The following OR12D2 variants were observed in gnomAD, a reference collection of about 807,000 sequenced individuals.
OR12D2 encodes olfactory receptor 12D2.
For missense variants in OR12D2, 345 were observed against 371.6 expected (o/e 0.93, Z 0.59); for synonymous variants, 146 against 142.3 (o/e 1.03, Z -0.19).
In OR12D2 at chr6:29,396,922, A is replaced by G. The variant is rs1562968462; in HGVS notation, c.223A>G (p.Thr75Ala). 6.2e-7 allele frequency: 1 copy of G among 1,613,042 alleles called. No homozygotes were observed. Among genetic ancestry groups the G allele is most frequent in the Non-Finnish European group, 8.5e-7 (1 of 1,179,996 alleles). ...CCTGGATATCTGTTACTCTACGGTG[A>G]CACTGCCAAAAATGCTGCAGAACTT... Reference protein sequence around the residue: ...SYLDICYSTVTLPKMLQNFLS... With the variant: ...SYLDICYSTVALPKMLQNFLS... The change falls in exon 2 of 2, where the codon ACA (threonine) becomes GCA (alanine). Residue 75 changes from threonine (T) to alanine (A), a missense_variant. By Grantham distance (58) the Thr-to-Ala change is moderately conservative. Transcript: ENST00000642051.
intron 1 of OR12D2, 115 bp from the exon 2 acceptor site, chr6:29,396,580 GGAA>G: frequency 3.8e-6 from 3 of 799,294 alleles, no homozygotes; most frequent in East Asian, 4.9e-5. Flanking sequence ...TCTGAGGTTT[GGAA>G]GAAGTACAAC....
rs1273168480 is a variant in OR12D2, at chr6:29,396,883, G to A, written c.184G>A (p.Gly62Arg). 1 of 1,612,814 alleles carries A rather than the reference G, an allele frequency of 6.2e-7. No homozygotes were observed. Residue 62 changes from glycine to arginine, a missense_variant, in exon 2 of 2, where the codon GGA (glycine) becomes AGA (arginine). By Grantham distance (125) the Gly-to-Arg change is moderately radical. Transcript: ENST00000642051. ...CCATTCCCTTATGTATTTCTTCCTGGGAAACCTGTCCTACCTGGATATCTG... is the reference window on the plus strand; with the variant it reads ...CCATTCCCTTATGTATTTCTTCCTGAGAAACCTGTCCTACCTGGATATCTG... ...RLHSLMYFFL[G>R]NLSYLDICYS...
At chr6:29,396,651 C>A (rs1467111598) in intron 1 of OR12D2, 47 bp from the exon 2 acceptor site, 5 of 1,463,250 alleles carry the variant, frequency 3.4e-6, no homozygotes, top group Non-Finnish European at 4.7e-6. Context: ...CGGAAGGATT[C>A]TGATTGCGAT....
Position 29,397,684 on chromosome 6 carries a change from G to A in OR12D2, c.*61G>A. 2.8e-6 allele frequency: 4 copies of A among 1,427,122 alleles called. No individual in the cohort carries two copies. The highest frequency in any genetic ancestry group is 2.9e-6 in the Non-Finnish European group (3 of 1,048,008). The allele number at this position is 1,427,122 out of a possible 1,614,324, so 88.4% of individuals were successfully genotyped here. On this transcript the variant is annotated 3_prime_UTR_variant, in exon 2 of 2. Transcript: ENST00000642051. ...TAACCAGCAATGAAAAAGTAGAGAT[G>A]TGTAATTTTACTGCTTCTCAGATGG...
At chr6:29,396,407 C>A (rs958185555) in intron 1 of OR12D2, 3 of 395,308 alleles carry the variant, frequency 7.6e-6, no homozygotes, top group African/African-American at 6.1e-5. Context: ...CGGATGTATT[C>A]TTCTCAACCA....
In OR12D2 at chr6:29,396,847, G is replaced by C; in HGVS notation, c.148G>C (p.Asp50His). ...NGAVLMIVIS[D>H]PRLHSLMYFF... ...AGCCGTTCTGATGATTGTCATCTCC[G>C]ATCCTAGACTCCATTCCCTTATGTA... The change falls in exon 2 of 2, where the codon GAT (aspartate) becomes CAT (histidine). Residue 50 changes from aspartate to histidine, a missense_variant. Coordinates refer to ENST00000642051, the MANE Select transcript of OR12D2 (RefSeq NM_013936.4). 6.2e-7 allele frequency: 1 copy of C among 1,612,886 alleles called. No homozygotes were observed. The highest frequency in any genetic ancestry group is 8.5e-7 in the Non-Finnish European group (1 of 1,179,936).
chr6:29,397,327 T>C lies in OR12D2; in HGVS notation c.628T>C (p.Phe210Leu). ...GGGGACAATTGCCATGGGCCCCTTC[T>C]TTCTGACACTTCTCTCCTATTTCTA... ...VTGTIAMGPF[F>L]LTLLSYFYII... The change falls in exon 2 of 2, where the codon TTT becomes CTT. Residue 210 changes from phenylalanine to leucine, a missense_variant. Physicochemically the swap from Phe to Leu is conservative, Grantham distance 22 (BLOSUM62 0). Transcript: ENST00000642051. The C allele has an allele frequency of 6.2e-7, 1 of 1,613,132 alleles. No individual in the cohort carries two copies. Among genetic ancestry groups the C allele is most frequent in the Non-Finnish European group, 8.5e-7 (1 of 1,180,036 alleles).
At position 29,396,972 on chromosome 6, in the gene OR12D2, T is replaced by C. The variant is rs1280515075; in HGVS notation, c.273T>C (p.Ser91=). Residue 91 remains serine, a synonymous_variant, in exon 2 of 2, where the codon TCT becomes TCC. Transcript: ENST00000642051. ...TTCTCTCTACACACAAAGCAATTTC[T>C]TTCTTGGGATGCATAAGCCAGCTTC... ...QNFLSTHKAI[S]FLGCISQLHF... is the part of the protein sequence containing the mutation. 1 of 1,613,128 alleles carries C rather than the reference T, an allele frequency of 6.2e-7. No individual in the cohort carries two copies. Among genetic ancestry groups the C allele is most frequent in the Admixed American group, 1.7e-5 (1 of 60,024 alleles).
In OR12D2 at chr6:29,396,805, AG is replaced by A. The variant is rs777547809; in HGVS notation, c.107del (p.Ser36MetfsTer2). 1.9e-6 allele frequency: 3 copies of A among 1,612,910 alleles called. No individual in the cohort carries two copies. The highest frequency in any genetic ancestry group is 2.2e-5 in the South Asian group (2 of 91,076). On this transcript the variant is annotated frameshift_variant, in exon 2 of 2. Coordinates refer to ENST00000642051, the MANE Select transcript of OR12D2 (RefSeq NM_013936.4). LOFTEE classifies it low-confidence loss of function (END_TRUNC). ...FVVFLTIYFISVTGNGAVLMI... is the reference protein window; with the variant it reads ...FVVFLTIYFIXVTGNGAVLMI... Reference sequence around the variant, plus strand: ...GGTTTTCCTCACCATCTACTTCATCAGTGTGACTGGGAATGGAGCCGTTCTG... The same window carrying A: ...GGTTTTCCTCACCATCTACTTCATCATGTGACTGGGAATGGAGCCGTTCTG...
chr6:29,396,676 T>A (rs761748189), intron 1 of OR12D2, 22 bp from the exon 2 acceptor site: 14 of 1,583,258 alleles, frequency 8.8e-6, no homozygotes, highest in Non-Finnish European at 1.2e-5. Flanking sequence ...GTTCCATAGA[T>A]TATTTTGTCT....
Position 29,397,946 on chromosome 6 carries a change from G to T in OR12D2, c.*323G>T, listed in dbSNP as rs1780660105. 2 of 280,314 alleles carry T rather than the reference G, an allele frequency of 7.1e-6. No homozygotes were observed. Among genetic ancestry groups the T allele is most frequent in the African/African-American group, 2.2e-5 (1 of 45,680 alleles). The allele number at this position is 280,314 out of a possible 1,614,324, so 17.4% of individuals were successfully genotyped here. On this transcript the variant is annotated 3_prime_UTR_variant, in exon 2 of 2. Transcript: ENST00000642051. ...ATTTTGCCTATATTGCCCATGTATT[G>T]TATAGATAGATGATATTTAGGACTG...
At chr6:29,396,474 T>C in intron 1 of OR12D2, 1 of 520,656 alleles carries the variant, frequency 1.9e-6, no homozygotes, top group South Asian at 3.4e-5. Flanking sequence ...AATACGTTAA[T>C]GATAAACTTA....
rs2073152 is a variant in OR12D2 at position 29,397,061 on chromosome 6, C to G, written c.362C>G (p.Ser121Cys). The stretch of plus-strand genomic sequence containing the variant: ...TTCGCCGTGATGGCATTTGACCTCT[C>G]TGTGGCTATCTGCAAGCCACTTCGC... ...MLFAVMAFDL[S>C]VAICKPLRYT... is the part of the protein sequence containing the mutation. Residue 121 changes from serine to cysteine, a missense_variant, in exon 2 of 2, where the codon TCT becomes TGT. Coordinates refer to ENST00000642051, the MANE Select transcript of OR12D2 (RefSeq NM_013936.4). 417,746 of 1,612,350 alleles carry G rather than the reference C, an allele frequency of 0.26. 56,985 individuals are homozygous for G. The highest frequency in any genetic ancestry group is 0.28 in the Non-Finnish European group (334,250 of 1,179,364).
chr6:29,396,780 G>C lies in OR12D2; in HGVS notation c.81G>C (p.Val27=), dbSNP rs1297372863. 6.2e-7 allele frequency: 1 copy of C among 1,612,822 alleles called. No individual in the cohort carries two copies. The highest frequency in any genetic ancestry group is 1.3e-5 in the African/African-American group (1 of 74,896). Residue 27 remains valine, a synonymous_variant, in exon 2 of 2, where the codon GTG becomes GTC. Coordinates refer to ENST00000642051, the MANE Select transcript of OR12D2 (RefSeq NM_013936.4). The part of the protein sequence containing the change: ...DIQELQPFLF[V]VFLTIYFISV... ...AAGAACTGCAGCCTTTTCTCTTCGT[G>C]GTTTTCCTCACCATCTACTTCATCA...
Position 29,396,757 on chromosome 6 carries a change from G to C in OR12D2, c.58G>C (p.Glu20Gln). 1 of 1,612,832 alleles carries C rather than the reference G, an allele frequency of 6.2e-7. No individual in the cohort carries two copies. Among genetic ancestry groups the C allele is most frequent in the Non-Finnish European group, 8.5e-7 (1 of 1,179,986 alleles). The change falls in exon 2 of 2, where the codon GAA becomes CAA. Residue 20 changes from glutamate to glutamine, a missense_variant. By Grantham distance (29) the Glu-to-Gln change is conservative (BLOSUM62 2). Transcript: ENST00000642051. ...FLLLGVTDIQ[E>Q]LQPFLFVVFL... ...CCTCTTGGGAGTGACAGACATTCAA[G>C]AACTGCAGCCTTTTCTCTTCGTGGT...
In OR12D2 at chr6:29,397,798, G is replaced by A. The variant is rs1434291593; in HGVS notation, c.*175G>A. ...ACAATACATTTCTAAGTAATATGAG[G>A]AATACTTGAAAATGCAAGACACTAG... On this transcript the variant is annotated 3_prime_UTR_variant, in exon 2 of 2. Transcript: ENST00000642051. 1.8e-6 allele frequency: 1 copy of A among 557,546 alleles called. No individual in the cohort carries two copies. The highest frequency in any genetic ancestry group is 3.0e-6 in the Non-Finnish European group (1 of 330,150). The allele number at this position is 557,546 out of a possible 1,614,324, so 34.5% of individuals were successfully genotyped here.
chr6:29,396,208 G>C (rs1486746799), intron 1 of OR12D2, among the ~76,000 whole-genome samples: 1 of 7,106 alleles, frequency 1.4e-4, no homozygotes, highest in Non-Finnish European at 4.3e-4. Flanking sequence ...GCGGGATCTC[G>C]GCTCACTGCA....
At position 29,396,708 on chromosome 6, in the gene OR12D2, T is replaced by A; in HGVS notation, c.9T>A (p.Asn3Lys). ML[N>K]TTSVTEFLLL... The stretch of plus-strand genomic sequence containing the variant: ...GTCTTTTGTCTGAAGTGATGCTGAA[T>A]ACAACCTCAGTCACCGAATTTCTCC... Residue 3 changes from asparagine (N) to lysine (K), a missense_variant, in exon 2 of 2, where the codon AAT becomes AAA. Asn to Lys is a moderately conservative substitution (Grantham distance 94). Transcript: ENST00000642051. 2 of 1,610,730 alleles carry A rather than the reference T, an allele frequency of 1.2e-6. No homozygotes were observed. The highest frequency in any genetic ancestry group is 1.7e-6 in the Non-Finnish European group (2 of 1,179,344).
rs1174996233 is a variant in OR12D2 at position 29,397,811 on chromosome 6, TGCAAGACACTAG to T, written c.*189_*200del. The T allele has an allele frequency of 1.8e-6, 1 of 554,850 alleles. No homozygotes were observed. The highest frequency in any genetic ancestry group is 3.1e-6 in the Non-Finnish European group (1 of 323,798). The allele number at this position is 554,850 out of a possible 1,614,324, so 34.4% of individuals were successfully genotyped here. On this transcript the variant is annotated 3_prime_UTR_variant, in exon 2 of 2. Transcript: ENST00000642051. Reference sequence around the variant, plus strand: ...AAGTAATATGAGGAATACTTGAAAATGCAAGACACTAGCCATGGAACCCTAATGCTGAAAATT... The same window carrying T: ...AAGTAATATGAGGAATACTTGAAAATCCATGGAACCCTAATGCTGAAAATT...
Sources: gnomAD v4.1 joint callset for allele counts (sites outside exome capture counted in the v4.1 genomes callset) on GRCh38, gnomAD v4.1.1 for gene constraint, MANE v1.5 for transcripts, NCBI Gene and HGNC (gene_info 2026-07-23, HGNC 2026-07-21) for gene names.